The following SAMMSON variants were observed in gnomAD, a reference collection of about 807,000 sequenced individuals.
SAMMSON encodes the protein long intergenic non-protein coding RNA 1212.
At chr3:70,401,824 A>G (rs886775279) in intron 2 of SAMMSON, among the ~76,000 whole-genome samples, 14 of 152,308 alleles carry the variant, frequency 9.2e-5, no homozygotes, top group Admixed American at 2.0e-4. Context: ...CATATGAAAG[A>G]GATTATTAAA....
intron 4 of SAMMSON, among the ~76,000 whole-genome samples, chr3:70,219,548 G>A (rs561766224): frequency 6.6e-6 from 1 of 152,184 alleles, no homozygotes; most frequent in African/African-American, 2.4e-5. Flanking sequence ...AGTTTGTAAA[G>A]AAAAGAGAAA....
At chr3:70,235,160 A>G (rs770397445) in intron 4 of SAMMSON, among the ~76,000 whole-genome samples, 1 of 152,126 alleles carries the variant, frequency 6.6e-6, no homozygotes, top group Non-Finnish European at 1.5e-5. Flanking sequence ...GAACCTTTGC[A>G]TGAGGGGTTT....
At chr3:70,276,371 G>A (rs1305421273) in intron 6 of SAMMSON, among the ~76,000 whole-genome samples, 8 of 152,096 alleles carry the variant, frequency 5.3e-5, no homozygotes, top group Non-Finnish European at 1.2e-4. Flanking sequence ...TTCTGGAAAT[G>A]TATGTTAATT....
At chr3:70,214,502 A>T in intron 4 of SAMMSON, among the ~76,000 whole-genome samples, 1 of 152,024 alleles carries the variant, frequency 6.6e-6, no homozygotes. Flanking sequence ...GGTGAAAAGG[A>T]TTAAAGAGTA....
chr3:70,219,349 G>A (rs1469675939), intron 4 of SAMMSON, among the ~76,000 whole-genome samples: 4 of 152,216 alleles, frequency 2.6e-5, no homozygotes, highest in Middle Eastern at 3.4e-3. Context: ...GCATGCTCCC[G>A]ATTCACAAAC....
chr3:70,265,536 C>G (rs1290232524), intron 6 of SAMMSON, among the ~76,000 whole-genome samples: 1 of 151,942 alleles, frequency 6.6e-6, no homozygotes, highest in African/African-American at 2.4e-5. Context: ...GCGAACCTTC[C>G]CAGCCATCTC....
intron 7 of SAMMSON, among the ~76,000 whole-genome samples, chr3:70,308,619 C>T (rs781678096): frequency 8.6e-5 from 13 of 152,042 alleles, no homozygotes; most frequent in Admixed American, 7.9e-4. Context: ...AAAAGCAAGA[C>T]GATTGAATGA....
intron 3 of SAMMSON, among the ~76,000 whole-genome samples, chr3:70,046,336 T>C (rs1300122140): frequency 2.0e-5 from 3 of 152,128 alleles, no homozygotes; most frequent in Non-Finnish European, 2.9e-5. Context: ...TTTGGAGTCC[T>C]GCTGATTGGC....
chr3:70,085,406 A>G (rs1559787983), intron 4 of SAMMSON, among the ~76,000 whole-genome samples: 1 of 152,180 alleles, frequency 6.6e-6, no homozygotes, highest in Non-Finnish European at 1.5e-5. Context: ...ATTGAGACAA[A>G]TGTAGGGAAG....
intron 9 of SAMMSON, among the ~76,000 whole-genome samples, chr3:70,379,439 G>C (rs915250987): frequency 2.0e-5 from 3 of 152,146 alleles, no homozygotes; most frequent in Non-Finnish European, 4.4e-5. Context: ...ATCAACACCT[G>C]TGAAGGCAGG....
chr3:70,428,360 T>A (rs1701388505), intron 2 of SAMMSON, among the ~76,000 whole-genome samples: 1 of 152,150 alleles, frequency 6.6e-6, no homozygotes, highest in Non-Finnish European at 1.5e-5. Context: ...ATAATCAAAA[T>A]GTTATAGAAT....
At chr3:70,065,407 A>T (rs1462306278) in intron 3 of SAMMSON, 1 of 152,102 alleles carries the variant, frequency 6.6e-6, no homozygotes, top group Non-Finnish European at 1.5e-5. Flanking sequence ...GGGCTCTAGC[A>T]CACCTATTAC....
At chr3:70,372,452 C>A (rs555168399) in intron 9 of SAMMSON, among the ~76,000 whole-genome samples, 7 of 152,184 alleles carry the variant, frequency 4.6e-5, no homozygotes, top group African/African-American at 1.7e-4. Flanking sequence ...GCAGGGATTA[C>A]AGGCGCCTGG....
rs115089263 is a variant in SAMMSON, at chr3:70,223,922, C to T, written n.508-25185C>T. On this transcript the variant is annotated intron_variant and non_coding_transcript_variant, in intron 4 of 9. Coordinates refer to ENST00000642114, the Ensembl canonical transcript of SAMMSON. The stretch of plus-strand genomic sequence containing the variant: ...TCATCAATCTAACTTTTGTACTCTC[C>T]TCTCCCCCCACCCTTTTGGTTTTGT... Among the ~76,000 whole-genome samples the T allele has an allele frequency of 3.2e-3, 493 of 152,138 alleles. 3 individuals carry two copies. Among genetic ancestry groups the T allele is most frequent in the African/African-American group, 0.011 (470 of 41,520 alleles).
At chr3:70,348,800 T>G (rs1161388631) in intron 7 of SAMMSON, among the ~76,000 whole-genome samples, 3 of 152,070 alleles carry the variant, frequency 2.0e-5, no homozygotes, top group African/African-American at 7.2e-5. Context: ...TTAAAAGAAC[T>G]GTGTTTTTTT....
chr3:70,340,040 G>A (rs906143827), intron 7 of SAMMSON, among the ~76,000 whole-genome samples: 2 of 152,018 alleles, frequency 1.3e-5, no homozygotes, highest in African/African-American at 4.8e-5. Flanking sequence ...TTAAGAAAAT[G>A]TGGCACATAT....
At chr3:70,106,796 G>A (rs1012173432) in intron 4 of SAMMSON, among the ~76,000 whole-genome samples, 6 of 152,152 alleles carry the variant, frequency 3.9e-5, no homozygotes, top group Admixed American at 1.3e-4. Context: ...ACTTGTCTGG[G>A]ATATACATGT....
intron 2 of SAMMSON, among the ~76,000 whole-genome samples, chr3:70,417,330 G>C (rs1701271650): frequency 6.6e-6 from 1 of 152,122 alleles, no homozygotes; most frequent in African/African-American, 2.4e-5. Context: ...GACAGAACAA[G>C]ATGTTAAACC....
intron 3 of SAMMSON, among the ~76,000 whole-genome samples, chr3:70,044,315 TA>T (rs1161861762): frequency 1.3e-5 from 2 of 151,904 alleles, no homozygotes; most frequent in South Asian, 2.1e-4. Flanking sequence ...ATATTGCGCT[TA>T]GGGGGTAAAG....
Sources: allele counts gnomAD v4.1 joint callset (sites outside exome capture counted in the v4.1 genomes callset), GRCh38; gene constraint gnomAD v4.1.1; transcripts MANE v1.5; gene names NCBI Gene and HGNC (gene_info 2026-07-23, HGNC 2026-07-21).